SEC14L5: variants seen among roughly 807,000 people sequenced by gnomAD.
SEC14L5 encodes SEC14-like protein 5.
Under a neutral mutation model 84.6 loss-of-function variants are expected in SEC14L5, and 96 were observed. The observed-to-expected ratio is 1.13, with a 90% confidence interval of 0.96 to 1.34. SEC14L5 has a LOEUF of 1.34. SEC14L5 is among the 40% of genes most tolerant of loss of function. The pLI is 0.00. For synonymous variants in SEC14L5, 546 were observed against 383.4 expected (o/e 1.42, Z -4.95); for missense variants, 1,224 against 942.5 (o/e 1.30, Z -3.91).
intron 15 of SEC14L5, 27 bp downstream of exon 15, chr16:5,011,300 G>C (rs903302120): frequency 1.2e-6 from 2 of 1,601,408 alleles, no homozygotes; most frequent in Admixed American, 1.7e-5. Flanking sequence ...GCGGGGTCCT[G>C]GGCAGGAAGG....
intron 8 of SEC14L5, among the ~76,000 whole-genome samples, chr16:4,998,858 T>C (rs1439650171): frequency 1.3e-5 from 2 of 152,156 alleles, no homozygotes; most frequent in African/African-American, 4.8e-5. Context: ...CTTCCTAATT[T>C]ATGGAATCCA....
rs973081055 is a variant in SEC14L5 at position 4,965,583 on chromosome 16, A to C, written c.63+6197A>C. 1.0e-4 allele frequency among the ~76,000 whole-genome samples: 15 copies of C among 148,944 alleles called. No homozygotes were observed. In the South Asian group the frequency reaches 1.5e-3, roughly 15 times the overall value. On this transcript the variant is annotated intron_variant, in intron 2 of 15. Coordinates refer to ENST00000251170, the MANE Select transcript of SEC14L5 (RefSeq NM_014692.2). Reference sequence around the variant, plus strand: ...GGCTGAGGCAGGAGAATGGTGTGAAACCGGGAGGCGGAGCTTGCACTGAGC... The same window carrying C: ...GGCTGAGGCAGGAGAATGGTGTGAACCCGGGAGGCGGAGCTTGCACTGAGC...
At chr16:4,968,534 C>A (rs1038625468) in intron 2 of SEC14L5, among the ~76,000 whole-genome samples, 2 of 152,196 alleles carry the variant, frequency 1.3e-5, no homozygotes, top group Non-Finnish European at 2.9e-5. Context: ...CCTATGTTGC[C>A]CATGCTAGTC....
At position 5,017,537 on chromosome 16, in the gene SEC14L5, C is replaced by A. The variant is rs1396355384; in HGVS notation, c.*2567C>A. ...TTCAGGATTCACACTCTAAGAGATGCTTTTCCATCTCAAATCTCATGGAAG... is the reference window on the plus strand; with the variant it reads ...TTCAGGATTCACACTCTAAGAGATGATTTTCCATCTCAAATCTCATGGAAG... On this transcript the variant is annotated 3_prime_UTR_variant, in exon 16 of 16. Transcript: ENST00000251170. 6.6e-6 allele frequency: 1 copy of A among 151,322 alleles called. No homozygotes were observed. Among genetic ancestry groups the A allele is most frequent in the African/African-American group, 2.5e-5 (1 of 40,568 alleles). The allele number at this position is 151,322 out of a possible 1,614,324, so 9.4% of individuals were successfully genotyped here. A position where few individuals can be genotyped will look rare whatever the true frequency, so the allele number is the denominator to read the frequency against.
At chr16:5,004,535 C>G (rs1955710640) in intron 11 of SEC14L5, among the ~76,000 whole-genome samples, 2 of 151,846 alleles carry the variant, frequency 1.3e-5, no homozygotes, top group African/African-American at 4.8e-5. Flanking sequence ...TGGCCACCCC[C>G]AAGAGGAGGG....
chr16:5,014,720 G>A (rs971902739), intron 15 of SEC14L5, 139 bp from the exon 16 acceptor site: 15 of 632,124 alleles, frequency 2.4e-5, no homozygotes, highest in East Asian at 1.1e-4. Flanking sequence ...TCTTCATGGC[G>A]TCACTTGCTT....
intron 2 of SEC14L5, among the ~76,000 whole-genome samples, chr16:4,975,238 G>A (rs889794468): frequency 6.6e-6 from 1 of 151,788 alleles, no homozygotes; most frequent in African/African-American, 2.4e-5. Flanking sequence ...TTTGGGAGGC[G>A]GAGGTGGGCG....
At chr16:4,962,930 G>C (rs1453399564) in intron 2 of SEC14L5, among the ~76,000 whole-genome samples, 1 of 152,150 alleles carries the variant, frequency 6.6e-6, no homozygotes, top group Non-Finnish European at 1.5e-5. Flanking sequence ...AGCACAAAAG[G>C]GGTTTTCTAT....
In SEC14L5 at chr16:4,987,567, A is replaced by G; in HGVS notation, c.74A>G (p.Lys25Arg). Residue 25 changes from lysine to arginine, a missense_variant, in exon 3 of 16, where the codon AAG (lysine) becomes AGG (arginine). Lys to Arg is a conservative substitution (Grantham distance 26). Transcript: ENST00000251170. ...PFELVMAAYE[K>R]RFPTCPQIPV... ...CCGCTCTGCCCCCAGGCCTACGAGA[A>G]GCGTTTCCCCACGTGCCCACAGATC... The G allele has an allele frequency of 6.4e-7, 1 of 1,557,192 alleles. No homozygotes were observed. Among genetic ancestry groups the G allele is most frequent in the Non-Finnish European group, 8.7e-7 (1 of 1,151,782 alleles).
At chr16:4,961,170 G>C (rs1488775067) in intron 2 of SEC14L5, among the ~76,000 whole-genome samples, 2 of 152,148 alleles carry the variant, frequency 1.3e-5, no homozygotes, top group African/African-American at 4.8e-5. Flanking sequence ...CTACTCGGGA[G>C]GCTGAAGCAG....
Position 5,015,106 on chromosome 16 carries a change from C to G in SEC14L5, c.*136C>G. 1 of 670,482 alleles carries G rather than the reference C, an allele frequency of 1.5e-6. No homozygotes were observed. The highest frequency in any genetic ancestry group is 2.5e-6 in the Non-Finnish European group (1 of 396,274). The allele number at this position is 670,482 out of a possible 1,614,324, so 41.5% of individuals were successfully genotyped here. A position where few individuals can be genotyped will look rare whatever the true frequency, so the allele number is the denominator to read the frequency against. On this transcript the variant is annotated 3_prime_UTR_variant, in exon 16 of 16. Transcript: ENST00000251170. ...CTAGATGCTGCCCAAGTTGGGGTGT[C>G]TGGAGCGGATGGCAAGGATCCAGAA...
chr16:5,017,167 C>T lies in SEC14L5; in HGVS notation c.*2197C>T, dbSNP rs888165331. On this transcript the variant is annotated 3_prime_UTR_variant, in exon 16 of 16. Coordinates refer to ENST00000251170, the MANE Select transcript of SEC14L5 (RefSeq NM_014692.2). ...TTTTACGGAAGGAAGCTGGAACTGC[C>T]TGTTCCAGAGGCGGGTGGGGGGAGG... 2 of 131,132 alleles carry T rather than the reference C, an allele frequency of 1.5e-5. No individual in the cohort carries two copies. Among genetic ancestry groups the T allele is most frequent in the African/African-American group, 5.8e-5 (2 of 34,362 alleles). The allele number at this position is 131,132 out of a possible 1,614,324, so 8.1% of individuals were successfully genotyped here.
At chr16:5,007,898 G>A (rs1301227938) in intron 13 of SEC14L5, among the ~76,000 whole-genome samples, 8 of 142,744 alleles carry the variant, frequency 5.6e-5, no homozygotes, top group African/African-American at 1.5e-4. Context: ...GAGCCACGGC[G>A]CCTGGCCTCT....
intron 2 of SEC14L5, among the ~76,000 whole-genome samples, chr16:4,981,042 G>A (rs1955417157): frequency 6.6e-6 from 1 of 151,904 alleles, no homozygotes; most frequent in Admixed American, 6.6e-5. Context: ...TGGGTGGGCA[G>A]GGCAGATCAC....
chr16:4,971,197 C>G (rs1160961492), intron 2 of SEC14L5, among the ~76,000 whole-genome samples: 2 of 152,104 alleles, frequency 1.3e-5, no homozygotes, highest in Non-Finnish European at 2.9e-5. Context: ...TGGCTTACGC[C>G]TATAATCGTA....
At chr16:4,967,752 T>C (rs529341574) in intron 2 of SEC14L5, among the ~76,000 whole-genome samples, 1 of 149,604 alleles carries the variant, frequency 6.7e-6, no homozygotes, top group South Asian at 2.1e-4. Flanking sequence ...TTTGTATTTT[T>C]AATAGAGATG....
At chr16:4,982,477 G>A (rs1955436374) in intron 2 of SEC14L5, among the ~76,000 whole-genome samples, 1 of 149,052 alleles carries the variant, frequency 6.7e-6, no homozygotes, top group Non-Finnish European at 1.5e-5. Flanking sequence ...ATGGGCTTGG[G>A]GGCCCCTCAA....
At chr16:5,010,722 T>A (rs1250446851) in intron 14 of SEC14L5, among the ~76,000 whole-genome samples, 1 of 152,176 alleles carries the variant, frequency 6.6e-6, no homozygotes, top group Non-Finnish European at 1.5e-5. Flanking sequence ...AAATTCTCTC[T>A]AAGCACCTGT....
At chr16:5,007,572 A>T in intron 13 of SEC14L5, 86 bp downstream of exon 13, 13 of 926,480 alleles carry the variant, frequency 1.4e-5, no homozygotes, top group South Asian at 3.4e-5. Context: ...GCTTGAGATG[A>T]GGATTCTTTT....
Sources: allele counts gnomAD v4.1 joint callset (sites outside exome capture counted in the v4.1 genomes callset), GRCh38; gene constraint gnomAD v4.1.1; transcripts MANE v1.5; gene names NCBI Gene and HGNC (gene_info 2026-07-23, HGNC 2026-07-21).